The following STIM1 variants were observed in gnomAD, a reference collection of about 807,000 sequenced individuals.
The protein encoded by STIM1 is stromal interaction molecule 1.
A neutral mutation model predicts 74.7 loss-of-function variants in STIM1; 25 were observed. The observed-to-expected ratio is 0.33, with a 90% CI of 0.24 to 0.47. The LOEUF is 0.47. Ranked by LOEUF, STIM1 falls within the 20% of genes least tolerant of loss-of-function variation. The pLI is 1.00. For synonymous variants in STIM1, 328 were observed against 348.8 expected, an observed-to-expected ratio of 0.94 and a Z score of 0.66; for missense variants, 728 against 920.8, an observed-to-expected ratio of 0.79 and a Z score of 2.71.
chr11:3,902,984 A>G (rs770263184), intron 1 of STIM1, among the ~76,000 whole-genome samples: 2 of 152,168 alleles, frequency 1.3e-5, no homozygotes, highest in Admixed American at 6.5e-5. Flanking sequence ...GAACCTGAAC[A>G]TGTTTATATA....
At chr11:3,975,262 A>T (rs1244396065) in intron 2 of STIM1, among the ~76,000 whole-genome samples, 1 of 152,254 alleles carries the variant, frequency 6.6e-6, no homozygotes, top group Non-Finnish European at 1.5e-5. Flanking sequence ...GTCAGGATTA[A>T]GTGAGAAAAG....
At chr11:4,052,785 A>G (rs749384690) in intron 3 of STIM1, among the ~76,000 whole-genome samples, 2 of 152,230 alleles carry the variant, frequency 1.3e-5, no homozygotes, top group Non-Finnish European at 2.9e-5. Context: ...AGAAACTACC[A>G]TCAGAGTGAA....
Position 4,028,329 on chromosome 11 carries a change from G to A in STIM1, c.385+4342G>A, listed in dbSNP as rs191198752. On this transcript the variant is annotated intron_variant, in intron 3 of 12. Transcript: ENST00000526596. ...ACTCCTGATCTCAAGTGATCTACCC[G>A]CCTCAGCCTCCTAAAATGCTGGGAT... is the stretch of plus-strand genomic sequence containing the variant. 3.8e-3 allele frequency among the ~76,000 whole-genome samples: 580 copies of A among 152,120 alleles called. 3 individuals are homozygous for A. The highest frequency in any genetic ancestry group is 0.013 in the African/African-American group (553 of 41,476).
chr11:4,016,335 G>A (rs2093896626), intron 2 of STIM1, among the ~76,000 whole-genome samples: 3 of 152,138 alleles, frequency 2.0e-5, no homozygotes, highest in African/African-American at 7.2e-5. Flanking sequence ...GTTGGCGGGA[G>A]GTCCACTCCA....
chr11:4,086,455 A>C, intron 11 of STIM1, 22 bp from the exon 12 acceptor site: 1 of 1,613,118 alleles, frequency 6.2e-7, no homozygotes, highest in Non-Finnish European at 8.5e-7. Context: ...CCCTCCTGAC[A>C]CTTTCTTTAT....
intron 1 of STIM1, among the ~76,000 whole-genome samples, chr11:3,898,221 T>C (rs2092245696): frequency 6.7e-6 from 1 of 149,908 alleles, no homozygotes; most frequent in South Asian, 2.1e-4. Context: ...TGGTGTGAGA[T>C]GGTATCTCAT....
intron 2 of STIM1, among the ~76,000 whole-genome samples, chr11:4,018,754 G>A (rs1590652878): frequency 4.0e-5 from 6 of 151,786 alleles, no homozygotes; most frequent in Admixed American, 1.3e-4. Flanking sequence ...TCTCTCCAAC[G>A]ATACTGGCCT....
chr11:3,890,914 A>G (rs2091874737), intron 1 of STIM1, among the ~76,000 whole-genome samples: 1 of 152,158 alleles, frequency 6.6e-6, no homozygotes, highest in African/African-American at 2.4e-5. Context: ...CTGTTTATGT[A>G]CAATACCAGC....
intron 1 of STIM1, among the ~76,000 whole-genome samples, chr11:3,902,605 G>A (rs1420912212): frequency 6.6e-6 from 1 of 152,230 alleles, no homozygotes; most frequent in East Asian, 1.9e-4. Flanking sequence ...GCGGAGCTCA[G>A]GCAGTAATGC....
intron 1 of STIM1, among the ~76,000 whole-genome samples, chr11:3,898,718 T>C (rs1011516489): frequency 7.9e-5 from 12 of 151,710 alleles, no homozygotes; most frequent in Non-Finnish European, 1.6e-4. Flanking sequence ...GGATCCAGTT[T>C]CAGCTTTCTA....
At chr11:4,014,147 G>A (rs908164118) in intron 2 of STIM1, among the ~76,000 whole-genome samples, 10 of 152,282 alleles carry the variant, frequency 6.6e-5, no homozygotes, top group Middle Eastern at 3.4e-3. Flanking sequence ...ATGTTAGGGT[G>A]TCGATTTTAG....
At position 4,083,208 on chromosome 11, in the gene STIM1, C is replaced by G. The variant is rs111464293; in HGVS notation, c.1239-55C>G. On this transcript the variant is annotated intron_variant, in intron 9 of 12. Transcript: ENST00000526596. ...TGTTCCTCTGAGAAGAGGCTTCATT[C>G]CTATTGGGGCTCACACCAAGTCCAT... 5.1e-6 allele frequency: 8 copies of G among 1,558,986 alleles called. No homozygotes were observed. In the African/African-American group the frequency reaches 9.5e-5, roughly 18 times the overall value.
At chr11:3,971,278 C>G (rs906945156) in intron 2 of STIM1, among the ~76,000 whole-genome samples, 1 of 151,052 alleles carries the variant, frequency 6.6e-6, no homozygotes, top group Non-Finnish European at 1.5e-5. Flanking sequence ...GCCTGTAATC[C>G]CAGCACTTTG....
At chr11:4,066,639 A>AC (rs895291579) in intron 5 of STIM1, among the ~76,000 whole-genome samples, 107 of 152,176 alleles carry the variant, frequency 7.0e-4, no homozygotes, top group African/African-American at 2.5e-3. Flanking sequence ...GAGGCTAGGA[A>AC]CTCAAGACTA....
intron 6 of STIM1, among the ~76,000 whole-genome samples, chr11:4,071,648 A>T (rs1015996953): frequency 6.6e-6 from 1 of 152,132 alleles, no homozygotes; most frequent in South Asian, 2.1e-4. Flanking sequence ...CCATTGTGTT[A>T]TTTTTAAATG....
rs1749749990 is a variant in STIM1 at position 3,856,042 on chromosome 11, C to T, written c.-229C>T. 1 of 572,378 alleles carries T rather than the reference C, an allele frequency of 1.7e-6. No individual in the cohort carries two copies. The highest frequency in any genetic ancestry group is 3.1e-6 in the Non-Finnish European group (1 of 320,296). The allele number at this position is 572,378 out of a possible 1,614,324, so 35.5% of individuals were successfully genotyped here. On this transcript the variant is annotated 5_prime_UTR_variant, in exon 1 of 13. Coordinates refer to ENST00000526596, the MANE Select transcript of STIM1 (RefSeq NM_001382567.1). ...CGGCACGAGCTCAGGCCGCCGCAGC[C>T]CCGGCGGACCCACTGTTGGACCTGA...
intron 1 of STIM1, among the ~76,000 whole-genome samples, chr11:3,874,105 A>T (rs528225328): frequency 1.3e-5 from 2 of 152,328 alleles, no homozygotes; most frequent in South Asian, 4.1e-4. Context: ...CTAATCTACT[A>T]AATCTACAGT....
At chr11:3,998,195 T>C (rs2093679782) in intron 2 of STIM1, among the ~76,000 whole-genome samples, 1 of 152,164 alleles carries the variant, frequency 6.6e-6, no homozygotes, top group South Asian at 2.1e-4. Flanking sequence ...AACATGAGGG[T>C]TGTTAGGTTT....
intron 1 of STIM1, among the ~76,000 whole-genome samples, chr11:3,959,610 T>C (rs921935752): frequency 1.3e-5 from 2 of 152,186 alleles, no homozygotes; most frequent in African/African-American, 4.8e-5. Context: ...AACAGAGCTA[T>C]GCACAAAGTG....
Sources: gnomAD v4.1 joint callset for allele counts (sites outside exome capture counted in the v4.1 genomes callset) on GRCh38, gnomAD v4.1.1 for gene constraint, MANE v1.5 for transcripts, NCBI Gene and HGNC (gene_info 2026-07-23, HGNC 2026-07-21) for gene names.